AK9: variants seen among roughly 807,000 people sequenced by gnomAD.
The protein encoded by AK9 is adenylate kinase domain containing 1.
In AK9, 191 loss-of-function variants were observed where a neutral mutation model predicts 239.6. The ratio of observed to expected loss-of-function variants is 0.80; its 90% CI spans 0.71 to 0.90. AK9 has a LOEUF of 0.90. AK9 is among the 40% of genes least tolerant of loss of function. The pLI, the probability that AK9 is intolerant of heterozygous loss-of-function variation, is 0.00. For synonymous variants in AK9, 689 were observed against 721.0 expected, an observed-to-expected ratio of 0.96 and a Z score of 0.71; for missense variants, 1,995 against 2,214.7, an observed-to-expected ratio of 0.90 and a Z score of 1.99.
intron 7 of AK9, 110 bp from the exon 8 acceptor site, chr6:109,656,994 G>A (rs1357002701): frequency 3.9e-6 from 5 of 1,279,824 alleles, no homozygotes; most frequent in East Asian, 4.9e-5. Flanking sequence ...TGAGAAGCAG[G>A]GGGAGGGGAC....
In AK9 at chr6:109,573,499, A is replaced by G. The variant is rs1044593858; in HGVS notation, c.2287T>C (p.Ser763Pro). 6 of 1,551,196 alleles carry G rather than the reference A, an allele frequency of 3.9e-6. No homozygotes were observed. The highest frequency in any genetic ancestry group is 5.2e-6 in the Non-Finnish European group (6 of 1,146,780). Residue 763 changes from serine to proline, a missense_variant, in exon 21 of 41, where the codon TCA becomes CCA. By Grantham distance (74) the Ser-to-Pro change is moderately conservative. Coordinates refer to ENST00000424296, the MANE Select transcript of AK9 (RefSeq NM_001145128.3). Reference protein sequence around the residue: ...EPEASHDTRGSWLPEEFEASE... With the variant: ...EPEASHDTRGPWLPEEFEASE... ...GCTTCAAACTCCTCAGGTAACCATG[A>G]CCCTCGGGTATCGTGAGATGCCTCA...
At chr6:109,600,656 C>T (rs942374973) in intron 17 of AK9, among the ~76,000 whole-genome samples, 1 of 152,156 alleles carries the variant, frequency 6.6e-6, no homozygotes, top group African/African-American at 2.4e-5. Context: ...AGGAATGGTA[C>T]CAGCTCCTCC....
At chr6:109,650,929 T>C (rs1021550638) in intron 8 of AK9, among the ~76,000 whole-genome samples, 5 of 152,186 alleles carry the variant, frequency 3.3e-5, no homozygotes, top group Admixed American at 6.5e-5. Context: ...ATGTCCTTTG[T>C]AGGGACATGG....
At chr6:109,645,134 C>A (rs957208596) in intron 8 of AK9, among the ~76,000 whole-genome samples, 3 of 152,298 alleles carry the variant, frequency 2.0e-5, no homozygotes, top group South Asian at 4.1e-4. Context: ...CAGCTCCCAG[C>A]GTGATCGATG....
chr6:109,551,469 A>G (rs906943432), intron 24 of AK9, among the ~76,000 whole-genome samples: 2 of 150,696 alleles, frequency 1.3e-5, no homozygotes, highest in Non-Finnish European at 2.9e-5. Flanking sequence ...CAGTGAGCCG[A>G]GATGGCACAC....
rs1361919113 is a variant in AK9, at chr6:109,495,329, TAA to T, written c.5418+7_5418+8del. The T allele has an allele frequency of 6.3e-7, 1 of 1,591,810 alleles. No individual in the cohort carries two copies. Among genetic ancestry groups the T allele is most frequent in the South Asian group, 1.1e-5 (1 of 89,138 alleles). On this transcript the variant is annotated splice_region_variant and intron_variant, in intron 39 of 40. Transcript: ENST00000424296. Reference sequence around the variant, plus strand: ...CTAACATATATAACAGAAAATTAAGTAAAAGAACCTGTTCCAGATATCCAGGC... The same window carrying T: ...CTAACATATATAACAGAAAATTAAGTAAGAACCTGTTCCAGATATCCAGGC...
In AK9 at chr6:109,640,738, T is replaced by C. The variant is rs1797318218; in HGVS notation, c.933+780A>G. Reference sequence around the variant, plus strand: ...TTTTTTAAAAATAATTTCTACTCATTTAGGTGAAACTGAGCTTCTCAGAAT... The same window carrying C: ...TTTTTTAAAAATAATTTCTACTCATCTAGGTGAAACTGAGCTTCTCAGAAT... On this transcript the variant is annotated intron_variant, in intron 10 of 40. Coordinates refer to ENST00000424296, the MANE Select transcript of AK9 (RefSeq NM_001145128.3). 2.0e-5 allele frequency among the ~76,000 whole-genome samples: 3 copies of C among 152,026 alleles called. No homozygotes were observed. In the South Asian group the frequency reaches 6.2e-4, roughly 32 times the overall value.
At chr6:109,597,362 G>A (rs114116764) in intron 17 of AK9, among the ~76,000 whole-genome samples, 2,199 of 152,174 alleles carry the variant, frequency 0.014, 56 homozygotes, top group African/African-American at 0.051. Context: ...TGAAACAAAC[G>A]TTAAAAATTT....
chr6:109,547,451 G>A (rs1486580911), intron 25 of AK9, among the ~76,000 whole-genome samples: 8 of 152,058 alleles, frequency 5.3e-5, no homozygotes, highest in Non-Finnish European at 1.2e-4. Context: ...AAGAAAGGAT[G>A]GTCTCTTTAA....
Position 109,550,251 on chromosome 6 carries a change from A to C in AK9, c.2803T>G (p.Phe935Val). The C allele has an allele frequency of 6.2e-7, 1 of 1,613,026 alleles. No homozygotes were observed. The change falls in exon 25 of 41, where the codon TTT becomes GTT. Residue 935 changes from phenylalanine to valine, a missense_variant. Around this residue, in one of 5 missense-constraint regions of AK9, gnomAD observed 1,290 missense variants for 1,392.7 expected, o/e 0.93. Coordinates refer to ENST00000424296, the MANE Select transcript of AK9 (RefSeq NM_001145128.3). Reference protein sequence around the residue: ...RKRHLGDTKHFCPVVLKENFI... With the variant: ...RKRHLGDTKHVCPVVLKENFI... ...TTTTCTTTGAGGACCACCGGACAAAAGTGTTTTGTGTCTCCCAAATGCCTC... is the reference window on the plus strand; with the variant it reads ...TTTTCTTTGAGGACCACCGGACAAACGTGTTTTGTGTCTCCCAAATGCCTC...
At chr6:109,638,476 T>A (rs971317958) in intron 10 of AK9, among the ~76,000 whole-genome samples, 2 of 152,248 alleles carry the variant, frequency 1.3e-5, no homozygotes, top group Non-Finnish European at 2.9e-5. Flanking sequence ...ATGTTTTTGT[T>A]TTTTATTTTA....
chr6:109,639,050 A>G (rs2128283214), intron 10 of AK9, among the ~76,000 whole-genome samples: 1 of 152,246 alleles, frequency 6.6e-6, no homozygotes, highest in South Asian at 2.1e-4. Flanking sequence ...CCAGTCTATC[A>G]TTGATGGACA....
chr6:109,586,093 A>C, intron 17 of AK9, 21 bp from the exon 18 acceptor site: 1 of 1,542,090 alleles, frequency 6.5e-7, no homozygotes, highest in South Asian at 1.2e-5. Context: ...TTGTACACTG[A>C]TATTACTATC....
In AK9 at chr6:109,516,174, G is replaced by A. The variant is rs73521000; in HGVS notation, c.3847-99C>T. Reference sequence around the variant, plus strand: ...ACACTGCTGGTGACTGACTACTTCAGTCCAGAACACAAATATTTTTCAGCT... The same window carrying A: ...ACACTGCTGGTGACTGACTACTTCAATCCAGAACACAAATATTTTTCAGCT... On this transcript the variant is annotated intron_variant, in intron 30 of 40. Transcript: ENST00000424296. 7,219 of 1,081,502 alleles carry A rather than the reference G, an allele frequency of 6.7e-3. 338 individuals are homozygous for A. In the African/African-American group the frequency reaches 0.1, roughly 15 times the overall value. The allele number at this position is 1,081,502 out of a possible 1,614,324, so 67.0% of individuals were successfully genotyped here.
chr6:109,517,130 G>A (rs114363748), intron 29 of AK9, among the ~76,000 whole-genome samples: 3,159 of 152,176 alleles, frequency 0.021, 97 homozygotes, highest in African/African-American at 0.073. Context: ...GGCTCCTGGT[G>A]TAGGCTATAG....
At position 109,545,982 on chromosome 6, in the gene AK9, T is replaced by G. The variant is rs1358485249; in HGVS notation, c.3110A>C (p.Lys1037Thr). Residue 1037 changes from lysine (K) to threonine (T), a missense_variant, in exon 26 of 41, where the codon AAA (lysine) becomes ACA (threonine). By Grantham distance (78) the Lys-to-Thr change is moderately conservative (BLOSUM62 -1). This residue lies in a region of AK9 where 1,290 missense variants were observed against 1,392.7 expected (regional missense o/e 0.93). Transcript: ENST00000424296. Reference protein sequence around the residue: ...QEKLLLKTEKKVGPEFEEDSE... With the variant: ...QEKLLLKTEKTVGPEFEEDSE... ...ATCTTCCTCAAATTCAGGTCCCACT[T>G]TCTTTTCAGTTTTGAGTAGTAGTTT... The G allele has an allele frequency of 1.9e-6, 3 of 1,614,202 alleles. No homozygotes were observed. The highest frequency in any genetic ancestry group is 2.5e-6 in the Non-Finnish European group (3 of 1,180,020).
chr6:109,648,397 GA>G (rs1397964093), intron 8 of AK9, among the ~76,000 whole-genome samples: 1 of 152,086 alleles, frequency 6.6e-6, no homozygotes, highest in African/African-American at 2.4e-5. Context: ...AATAAAAAAT[GA>G]TAAAGGGGAT....
Position 109,564,201 on chromosome 6 carries a change from G to T in AK9, c.2514C>A (p.Phe838Leu). 2.6e-6 allele frequency: 4 copies of T among 1,551,394 alleles called. No individual in the cohort carries two copies. The East Asian group carries it at 9.8e-5, about 38-fold the overall frequency. ...MEPFKEKIGS[F>L]IILWKQLEAT... ...CTTCTAGCTGTTTCCAGAGGATGAT[G>T]AAAGAACCAATCTTCTCTTTAAATG... The change falls in exon 23 of 41, where the codon TTC becomes TTA. Residue 838 changes from phenylalanine (F) to leucine (L), a missense_variant. Phe to Leu is a conservative substitution (Grantham distance 22). Around this residue, in one of 5 missense-constraint regions of AK9, gnomAD observed 1,290 missense variants for 1,392.7 expected, o/e 0.93. Transcript: ENST00000424296.
At position 109,542,241 on chromosome 6, in the gene AK9, T is replaced by C. The variant is rs148368295; in HGVS notation, c.3226-70A>G. 1,153 of 1,405,326 alleles carry C rather than the reference T, an allele frequency of 8.2e-4. 3 individuals carry two copies. The highest frequency in any genetic ancestry group is 4.8e-3 in the Middle Eastern group (20 of 4,148). 87.1% of individuals were successfully genotyped at this position (1,405,326 alleles called of 1,614,324 possible). On this transcript the variant is annotated intron_variant, in intron 26 of 40. Transcript: ENST00000424296. ...GCTAATAATTGCATGTTCTCACTCA[T>C]ATGTGAAAGTTAAAGAGGAGGACCT...
Sources: gnomAD v4.1 joint callset for allele counts (sites outside exome capture counted in the v4.1 genomes callset) on GRCh38, gnomAD v4.1.1 for gene constraint, gnomAD v4.1.1 regional missense constraint, MANE v1.5 for transcripts, NCBI Gene and HGNC (gene_info 2026-07-23, HGNC 2026-07-21) for gene names.